SLC9A4: variants seen among roughly 807,000 people sequenced by gnomAD.
SLC9A4 encodes sodium/hydrogen exchanger 4.
SLC9A4 carries 63 observed loss-of-function variants against 67.4 expected under a neutral mutation model. The observed-to-expected ratio is 0.93, with a 90% CI of 0.76 to 1.15. SLC9A4 has a LOEUF of 1.15. Among genes scored for constraint, SLC9A4 ranks in the 50% most tolerant of loss-of-function variants. The pLI, the probability that SLC9A4 is intolerant of heterozygous loss-of-function variation, is 0.00. For synonymous variants in SLC9A4, 393 were observed against 367.2 expected (o/e 1.07, Z -0.80); for missense variants, 1,089 against 987.7 (o/e 1.10, Z -1.38).
intron 2 of SLC9A4, among the ~76,000 whole-genome samples, chr2:102,480,479 A>G (rs891971306): frequency 1.3e-5 from 2 of 151,514 alleles, no homozygotes; most frequent in Non-Finnish European, 2.9e-5. Flanking sequence ...GTTTTCAGCT[A>G]TTGCATAGTA....
At chr2:102,526,540 A>C (rs1309251158) in intron 11 of SLC9A4, among the ~76,000 whole-genome samples, 194 bp downstream of exon 11, 2 of 152,202 alleles carry the variant, frequency 1.3e-5, no homozygotes, top group Admixed American at 6.5e-5. Context: ...ATTTCGTATA[A>C]TTTTTACTTT....
Position 102,519,904 on chromosome 2 carries a change from G to A in SLC9A4, c.1767G>A (p.Val589=), listed in dbSNP as rs929837541. ...TCAAAAGACTTTCCCCTGAAGATGT[G>A]GAGTCCATAAGGGACATTCTGACAT... is the stretch of plus-strand genomic sequence containing the variant. ...QGIKRLSPED[V]ESIRDILTSN... The change falls in exon 9 of 12, where the codon GTG becomes GTA. Residue 589 remains valine, a synonymous_variant. Transcript: ENST00000295269. 5.6e-6 allele frequency: 9 copies of A among 1,613,632 alleles called. No homozygotes were observed. In the African/African-American group the frequency reaches 9.4e-5, roughly 17 times the overall value.
At chr2:102,485,717 C>T (rs560509246) in intron 2 of SLC9A4, among the ~76,000 whole-genome samples, 1 of 152,190 alleles carries the variant, frequency 6.6e-6, no homozygotes, top group African/African-American at 2.4e-5. Flanking sequence ...AAGAGGTGGG[C>T]AGGGGCCATG....
chr2:102,479,348 C>A, intron 2 of SLC9A4, 46 bp downstream of exon 2: 3 of 1,539,728 alleles, frequency 1.9e-6, no homozygotes, highest in South Asian at 2.4e-5. Flanking sequence ...GATGAGGGTT[C>A]GGGGTGGGGC....
intron 2 of SLC9A4, among the ~76,000 whole-genome samples, chr2:102,483,268 G>T (rs1222673084): frequency 6.6e-6 from 1 of 152,140 alleles, no homozygotes; most frequent in African/African-American, 2.4e-5. Context: ...GCACTGCTGG[G>T]TCCCTAAGTG....
intron 6 of SLC9A4, 130 bp from the exon 7 acceptor site, chr2:102,512,073 C>A: frequency 1.2e-6 from 1 of 858,488 alleles, no homozygotes; most frequent in Non-Finnish European, 1.9e-6. Context: ...TACATGAACA[C>A]AGTGATAGAA....
In SLC9A4 at chr2:102,519,855, C is replaced by T. The variant is rs763415212; in HGVS notation, c.1722-4C>T. On this transcript the variant is annotated splice_region_variant and splice_polypyrimidine_tract_variant and intron_variant, in intron 8 of 11. Transcript: ENST00000295269. ...GTTTGTCTCTTCTCCAATAATGATTCCAGGGCCCAGAGGATACAAGGAATC... is the reference window on the plus strand; with the variant it reads ...GTTTGTCTCTTCTCCAATAATGATTTCAGGGCCCAGAGGATACAAGGAATC... The T allele has an allele frequency of 1.1e-5, 18 of 1,612,768 alleles. No homozygotes were observed. The highest frequency in any genetic ancestry group is 1.5e-5 in the Non-Finnish European group (18 of 1,179,348).
intron 6 of SLC9A4, 46 bp from the exon 7 acceptor site, chr2:102,512,157 G>C (rs1037562056): frequency 6.2e-7 from 1 of 1,607,748 alleles, no homozygotes; most frequent in South Asian, 1.1e-5. Flanking sequence ...GTGTCTTTCA[G>C]AGTTCGCGTT....
In SLC9A4 at chr2:102,519,912, TA is replaced by T; in HGVS notation, c.1777del (p.Arg593GlyfsTer4). 6.2e-7 allele frequency: 1 copy of T among 1,613,766 alleles called. No individual in the cohort carries two copies. The highest frequency in any genetic ancestry group is 8.5e-7 in the Non-Finnish European group (1 of 1,179,732). ...CTTTCCCCTGAAGATGTGGAGTCCA[TA>T]AGGGACATTCTGACATCCAACATGT... The part of the protein sequence containing the change: ...KRLSPEDVES[I>X]RDILTSNMYQ... On this transcript the variant is annotated frameshift_variant, in exon 9 of 12. Transcript: ENST00000295269. LOFTEE classifies it high-confidence loss of function.
intron 6 of SLC9A4, 29 bp from the exon 7 acceptor site, chr2:102,512,174 G>A: frequency 6.2e-7 from 1 of 1,613,550 alleles, no homozygotes; most frequent in Non-Finnish European, 8.5e-7. Context: ...CGTTTCTCCA[G>A]CAATCATTTT....
chr2:102,526,849 T>A (rs527292375), intron 11 of SLC9A4, among the ~76,000 whole-genome samples: 1 of 152,332 alleles, frequency 6.6e-6, no homozygotes, highest in Non-Finnish European at 1.5e-5. Context: ...TTCTTAGAAT[T>A]ATTGAAACTT....
intron 2 of SLC9A4, among the ~76,000 whole-genome samples, chr2:102,489,243 G>C (rs867602413): frequency 3.3e-4 from 50 of 152,180 alleles, no homozygotes; most frequent in African/African-American, 1.2e-3. Context: ...CATAGACTGA[G>C]GGGTGGTAGA....
At chr2:102,480,805 G>T (rs1215346868) in intron 2 of SLC9A4, among the ~76,000 whole-genome samples, 2 of 152,114 alleles carry the variant, frequency 1.3e-5, no homozygotes, top group Non-Finnish European at 2.9e-5. Context: ...CCCAACACTG[G>T]GCAGATGAGA....
At chr2:102,517,408 T>C (rs1458942877) in intron 8 of SLC9A4, among the ~76,000 whole-genome samples, 3 of 152,166 alleles carry the variant, frequency 2.0e-5, no homozygotes, top group Admixed American at 6.5e-5. Context: ...TATAGTAGAA[T>C]TGAAGCTTCT....
At chr2:102,524,606 G>A (rs918744504) in intron 9 of SLC9A4, among the ~76,000 whole-genome samples, 4 of 150,318 alleles carry the variant, frequency 2.7e-5, no homozygotes, top group Non-Finnish European at 3.0e-5. Flanking sequence ...GCGTGTGTAG[G>A]TATCCTTAAT....
intron 7 of SLC9A4, among the ~76,000 whole-genome samples, chr2:102,512,554 ACAAGGTT>A (rs1401912515): frequency 3.9e-5 from 6 of 152,276 alleles, no homozygotes; most frequent in African/African-American, 1.4e-4. Flanking sequence ...AAAAACAAGG[ACAAGGTT>A]CCCAATGATA....
At position 102,519,907 on chromosome 2, in the gene SLC9A4, G is replaced by A. The variant is rs150179295; in HGVS notation, c.1770G>A (p.Glu590=). The change falls in exon 9 of 12, where the codon GAG becomes GAA. Residue 590 remains glutamate (E), a synonymous_variant. Transcript: ENST00000295269. ...AAAGACTTTCCCCTGAAGATGTGGAGTCCATAAGGGACATTCTGACATCCA... is the reference window on the plus strand; with the variant it reads ...AAAGACTTTCCCCTGAAGATGTGGAATCCATAAGGGACATTCTGACATCCA... ...GIKRLSPEDV[E]SIRDILTSNM... The A allele has an allele frequency of 3.8e-5, 61 of 1,613,704 alleles. No individual in the cohort carries two copies. The African/African-American group carries it at 8.1e-4, about 22-fold the overall frequency.
chr2:102,484,937 T>A (rs1426286626), intron 2 of SLC9A4, among the ~76,000 whole-genome samples: 1 of 152,204 alleles, frequency 6.6e-6, no homozygotes, highest in African/African-American at 2.4e-5. Context: ...TGGCTCTGGA[T>A]GCCATTCTCT....
Position 102,479,309 on chromosome 2 carries a change from T to A in SLC9A4, c.720+7T>A, listed in dbSNP as rs767373754. 3 of 1,598,670 alleles carry A rather than the reference T, an allele frequency of 1.9e-6. No individual in the cohort carries two copies. The highest frequency in any genetic ancestry group is 2.6e-6 in the Non-Finnish European group (3 of 1,172,020). ...CAATGATGGCATTACTGTGGTGAGA[T>A]GTCATGTGCCCGCCCGGCTTCCGGG... On this transcript the variant is annotated splice_region_variant and intron_variant, in intron 2 of 11. Coordinates refer to ENST00000295269, the MANE Select transcript of SLC9A4 (RefSeq NM_001011552.4).
Sources: allele counts gnomAD v4.1 joint callset (sites outside exome capture counted in the v4.1 genomes callset), GRCh38; gene constraint gnomAD v4.1.1; transcripts MANE v1.5; gene names NCBI Gene and HGNC (gene_info 2026-07-23, HGNC 2026-07-21).